Variants in ASIC4 observed in about 807,000 individuals in gnomAD.
The protein encoded by ASIC4 is acid sensing ion channel subunit family member 4.
A neutral mutation model predicts 53.4 loss-of-function variants in ASIC4; 28 were observed. The observed-to-expected ratio is 0.52, with a 90% CI of 0.39 to 0.72. The LOEUF is 0.72. Among genes scored for constraint, ASIC4 ranks in the 30% least tolerant of loss-of-function variants. ASIC4 has a pLI of 0.00. For missense variants in ASIC4, 649 were observed against 729.7 expected (o/e 0.89, Z 1.27); for synonymous variants, 289 against 301.4 (o/e 0.96, Z 0.43).
rs111598906 is a variant in ASIC4, at chr2:219,535,199, G to A, written c.1104G>A (p.Pro368=). Residue 368 remains proline (P), a synonymous_variant, in exon 6 of 10, where the codon CCG becomes CCA. Transcript: ENST00000358078. ...CCCTGGGTGGGGGCCCTGAGGGCCC[G>A]TGCTTCTGCCCCACCCCCTGCAACC... ...LDSLGGGPEG[P]CFCPTPCNLT... 393 of 1,613,882 alleles carry A rather than the reference G, an allele frequency of 2.4e-4. 1 individual carries two copies. The highest frequency in any genetic ancestry group is 2.2e-3 in the Middle Eastern group (13 of 6,014).
Position 219,536,969 on chromosome 2 carries a change from A to T in ASIC4, c.1230-97A>T. On this transcript the variant is annotated intron_variant, in intron 6 of 9. Coordinates refer to ENST00000358078, the MANE Select transcript of ASIC4 (RefSeq NM_018674.6). This position sits in a 1 kb window ranked among gnomAD's most constrained non-coding sequence, Gnocchi z 4.6. ...GGGGTAGTCACTGACTTCCCCATGT[A>T]GTGATCTCTGATCAGGATCTGCTGG... 1 of 1,072,634 alleles carries T rather than the reference A, an allele frequency of 9.3e-7. No individual in the cohort carries two copies. Among genetic ancestry groups the T allele is most frequent in the Non-Finnish European group, 1.4e-6 (1 of 715,186 alleles). The allele number at this position is 1,072,634 out of a possible 1,614,324, so 66.4% of individuals were successfully genotyped here. A position where few individuals can be genotyped will look rare whatever the true frequency, so the allele number is the denominator to read the frequency against.
intron 5 of ASIC4, 107 bp from the exon 6 acceptor site, chr2:219,535,064 T>C (rs1574495362): frequency 6.8e-7 from 1 of 1,464,104 alleles, no homozygotes; most frequent in East Asian, 2.3e-5. Flanking sequence ...GCCCTCAGTG[T>C]GGGTGTGCCT....
chr2:219,516,255 G>T lies in ASIC4; in HGVS notation c.582+949G>T, dbSNP rs1694786753. ...CCAAGGACAGGGTCCCACTGTGGAT[G>T]CCATCCCTTCTCATGACACCCCCAC... On this transcript the variant is annotated intron_variant, in intron 1 of 9. Transcript: ENST00000358078. This position sits in a 1 kb window ranked among gnomAD's most constrained non-coding sequence, Gnocchi z 4.9. 2.6e-5 allele frequency among the ~76,000 whole-genome samples: 4 copies of T among 152,132 alleles called. No individual in the cohort carries two copies. The highest frequency in any genetic ancestry group is 2.6e-4 in the Admixed American group (4 of 15,278).
At position 219,538,287 on chromosome 2, in the gene ASIC4, C is replaced by T. The variant is rs571897262; in HGVS notation, c.*241C>T. On this transcript the variant is annotated 3_prime_UTR_variant, in exon 10 of 10. Transcript: ENST00000358078. ...CTGGAGACCAGGCCATGGGCCCTCA[C>T]GGAGAGGAAGGGAAGGAAGGAGAGG... 24 of 480,256 alleles carry T rather than the reference C, an allele frequency of 5.0e-5. No homozygotes were observed. Among genetic ancestry groups the T allele is most frequent in the Non-Finnish European group, 7.8e-5 (21 of 267,530 alleles). 29.7% of individuals were successfully genotyped at this position (480,256 alleles called of 1,614,324 possible). A position where few individuals can be genotyped will look rare whatever the true frequency, so the allele number is the denominator to read the frequency against.
In ASIC4 at chr2:219,537,626, C is replaced by A; in HGVS notation, c.1402-6C>A. ...CCCACTGCTGTCCCCGACCCTGAACCCCAAGGTGTCCTGGGATCGACTGAA... is the reference window on the plus strand; with the variant it reads ...CCCACTGCTGTCCCCGACCCTGAACACCAAGGTGTCCTGGGATCGACTGAA... On this transcript the variant is annotated splice_region_variant and splice_polypyrimidine_tract_variant and intron_variant, in intron 8 of 9. Transcript: ENST00000358078. This position sits in a 1 kb window ranked among gnomAD's most constrained non-coding sequence, Gnocchi z 4.9. 3.1e-6 allele frequency: 5 copies of A among 1,610,128 alleles called. No individual in the cohort carries two copies. The highest frequency in any genetic ancestry group is 4.2e-6 in the Non-Finnish European group (5 of 1,177,990).
chr2:219,537,214 C>T lies in ASIC4; in HGVS notation c.1322-28C>T. The T allele has an allele frequency of 6.2e-7, 1 of 1,611,452 alleles. No individual in the cohort carries two copies. Among genetic ancestry groups the T allele is most frequent in the Non-Finnish European group, 8.5e-7 (1 of 1,177,952 alleles). On this transcript the variant is annotated intron_variant, in intron 7 of 9. Coordinates refer to ENST00000358078, the MANE Select transcript of ASIC4 (RefSeq NM_018674.6). The surrounding 1 kb of genome is among the most constrained non-coding windows in gnomAD (Gnocchi z 4.9). ...TGGGGGTGGATCGGCCCGGCCGCTCCCTCTGACACTGCTCTCCTGCTTCCC... is the reference window on the plus strand; with the variant it reads ...TGGGGGTGGATCGGCCCGGCCGCTCTCTCTGACACTGCTCTCCTGCTTCCC...
upstream of ASIC4, among the ~76,000 whole-genome samples, chr2:219,509,221 C>T (rs921932746): frequency 3.9e-5 from 6 of 152,174 alleles, 1 homozygote; most frequent in East Asian, 7.7e-4. The surrounding 1 kb of genome is among the most constrained non-coding windows in gnomAD (Gnocchi z 5.2). Context: ...GATTGCAGCC[C>T]CCTCCCCCTC....
the ASIC4 span, among the ~76,000 whole-genome samples, chr2:219,507,928 C>T: frequency 1.3e-5 from 2 of 152,064 alleles, no homozygotes; most frequent in East Asian, 1.9e-4. Context: ...TAGGAAGCTG[C>T]GCCTTCTCAG....
chr2:219,507,638 C>A, the ASIC4 span, among the ~76,000 whole-genome samples: 22 of 152,200 alleles, frequency 1.4e-4, no homozygotes, highest in South Asian at 6.2e-4. Flanking sequence ...CCAGCCATCT[C>A]TCATGTTTGC....
intron 1 of ASIC4, among the ~76,000 whole-genome samples, chr2:219,519,901 TG>T (rs1202106070): frequency 7.1e-6 from 1 of 141,628 alleles, no homozygotes; most frequent in Non-Finnish European, 1.5e-5. Flanking sequence ...GGCTGGGGGC[TG>T]GGGGCAGTGG....
upstream of ASIC4, among the ~76,000 whole-genome samples, chr2:219,512,379 C>T (rs1263030306): frequency 1.3e-5 from 2 of 152,042 alleles, no homozygotes; most frequent in East Asian, 1.9e-4. Context: ...AGGGTAGCAA[C>T]GAGTGCTGCG....
upstream of ASIC4, among the ~76,000 whole-genome samples, chr2:219,512,595 C>T (rs1694715931): frequency 3.3e-5 from 5 of 152,156 alleles, no homozygotes; most frequent in African/African-American, 4.8e-5. Context: ...GCATAGGAGG[C>T]GGCTGCCTGG....
intron 1 of ASIC4, among the ~76,000 whole-genome samples, chr2:219,524,362 T>C (rs573915345): frequency 1.2e-3 from 189 of 152,350 alleles, no homozygotes; most frequent in African/African-American, 4.4e-3. Flanking sequence ...ACAGTGGCTA[T>C]GGGTGGACTC....
At chr2:219,509,695 A>C (rs1694675033), upstream of ASIC4, among the ~76,000 whole-genome samples, 1 of 151,926 alleles carries the variant, frequency 6.6e-6, no homozygotes, top group South Asian at 2.1e-4. This position sits in a 1 kb window ranked among gnomAD's most constrained non-coding sequence, Gnocchi z 5.2. Context: ...GTCTGAGTTC[A>C]AGGGGTGATC....
At chr2:219,515,424 C>G in intron 1 of ASIC4, 118 bp downstream of exon 1, 1 of 1,313,178 alleles carries the variant, frequency 7.6e-7, no homozygotes, top group East Asian at 2.5e-5. Context: ...ATTCCACCAC[C>G]AGAGGCTGGC....
chr2:219,509,605 G>A (rs1301182809), upstream of ASIC4, among the ~76,000 whole-genome samples: 1 of 152,066 alleles, frequency 6.6e-6, no homozygotes, highest in East Asian at 1.9e-4. This position sits in a 1 kb window ranked among gnomAD's most constrained non-coding sequence, Gnocchi z 5.2. Context: ...GCTCTGGTGT[G>A]GAGGGAGTGG....
At chr2:219,530,055 T>C (rs1695016625) in intron 1 of ASIC4, among the ~76,000 whole-genome samples, 1 of 152,202 alleles carries the variant, frequency 6.6e-6, no homozygotes, top group Non-Finnish European at 1.5e-5. Context: ...CTCTTTTTCC[T>C]TCCACACCGC....
intron 1 of ASIC4, among the ~76,000 whole-genome samples, chr2:219,525,009 T>C (rs1191712179): frequency 6.6e-6 from 1 of 152,232 alleles, no homozygotes; most frequent in East Asian, 1.9e-4. Context: ...ACCATTCCCC[T>C]TTTACAGATG....
Position 219,535,153 on chromosome 2 carries a change from G to A in ASIC4, c.1076-18G>A, listed in dbSNP as rs375178581. 2 of 1,605,830 alleles carry A rather than the reference G, an allele frequency of 1.2e-6. No homozygotes were observed. Among genetic ancestry groups the A allele is most frequent in the Non-Finnish European group, 1.7e-6 (2 of 1,175,414 alleles). On this transcript the variant is annotated intron_variant, in intron 5 of 9. Transcript: ENST00000358078. ...CCCTTCTCCAACTCCCACTGTAGCT[G>A]CTACCTCTGTGTTGCAGACTCCCTG...
Sources: allele counts gnomAD v4.1 joint callset (sites outside exome capture counted in the v4.1 genomes callset), GRCh38; gene constraint gnomAD v4.1.1; non-coding constraint Gnocchi (gnomAD v3.1); transcripts MANE v1.5; gene names NCBI Gene and HGNC (gene_info 2026-07-23, HGNC 2026-07-21).